The following SMCO2 variants were observed in gnomAD, a reference collection of about 807,000 sequenced individuals.
The protein encoded by SMCO2 is single-pass membrane and coiled-coil domain-containing protein 2.
In SMCO2, 25 loss-of-function variants were observed where a neutral mutation model predicts 29.5. The ratio of observed to expected loss-of-function variants is 0.85; its 90% confidence interval spans 0.62 to 1.18. The LOEUF (loss-of-function observed/expected upper bound fraction) is 1.18. Ranked by LOEUF, SMCO2 falls within the 50% of genes most tolerant of loss-of-function variation. The probability of loss-of-function intolerance (pLI) is 0.00; values close to 1 mark genes in which losing one functional copy is unlikely to be tolerated. For synonymous variants in SMCO2, 117 were observed against 123.3 expected (o/e 0.95, Z 0.34); for missense variants, 348 against 344.5 (o/e 1.01, Z -0.08).
At chr12:27,458,086 G>T in the SMCO2 span, among the ~76,000 whole-genome samples, 3 of 152,120 alleles carry the variant, frequency 2.0e-5, no homozygotes, top group African/African-American at 7.2e-5. Flanking sequence ...AATTGTATCC[G>T]CTTGTGCTTA....
At chr12:27,484,864 AAAAAAAAATATAT>A (rs1353167206) in intron 4 of SMCO2, among the ~76,000 whole-genome samples, 21 of 112,058 alleles carry the variant, frequency 1.9e-4, no homozygotes, top group Non-Finnish European at 3.1e-4. Flanking sequence ...AAAAAAAAAA[AAAAAAAAATATAT>A]ATATATATAT....
chr12:27,462,883 T>C (rs1374253580), upstream of SMCO2, among the ~76,000 whole-genome samples: 1 of 152,232 alleles, frequency 6.6e-6, no homozygotes, highest in Non-Finnish European at 1.5e-5. Flanking sequence ...CGGCGAAGCC[T>C]TTTGCTAACA....
At chr12:27,471,488 T>G (rs1592204290) in intron 2 of SMCO2, among the ~76,000 whole-genome samples, 1 of 152,166 alleles carries the variant, frequency 6.6e-6, no homozygotes, top group South Asian at 2.1e-4. Context: ...GACTTGGAAC[T>G]ACTTTTATAG....
the SMCO2 span, among the ~76,000 whole-genome samples, chr12:27,451,519 A>G: frequency 1.3e-5 from 2 of 152,070 alleles, no homozygotes; most frequent in Non-Finnish European, 2.9e-5. Flanking sequence ...CTGTTGATGC[A>G]TTAACATCCA....
upstream of SMCO2, among the ~76,000 whole-genome samples, chr12:27,464,730 A>AG (rs1949484351): frequency 6.7e-6 from 1 of 149,508 alleles, no homozygotes; most frequent in Admixed American, 6.6e-5. Context: ...AAAAAAAAAA[A>AG]AAAAAAAAAG....
At chr12:27,429,574 T>C in the SMCO2 span, among the ~76,000 whole-genome samples, 1 of 152,172 alleles carries the variant, frequency 6.6e-6, no homozygotes, top group African/African-American at 2.4e-5. Context: ...TTTATAGTTA[T>C]GTTTCTAAGT....
the SMCO2 span, among the ~76,000 whole-genome samples, chr12:27,450,920 C>T: frequency 6.6e-6 from 1 of 152,076 alleles, no homozygotes; most frequent in African/African-American, 2.4e-5. Flanking sequence ...AGTTGCTGCC[C>T]TAAATAATTT....
the SMCO2 span, among the ~76,000 whole-genome samples, chr12:27,445,088 C>T: frequency 1.3e-5 from 2 of 151,982 alleles, no homozygotes; most frequent in South Asian, 4.1e-4. Flanking sequence ...ATAAGCCAAG[C>T]ACAGAGAGAC....
chr12:27,464,024 T>G (rs1249771058), upstream of SMCO2, among the ~76,000 whole-genome samples: 1 of 152,126 alleles, frequency 6.6e-6, no homozygotes, highest in African/African-American at 2.4e-5. Flanking sequence ...GAGCTCCCAG[T>G]GGAATCCCAG....
the SMCO2 span, among the ~76,000 whole-genome samples, chr12:27,428,126 A>G: frequency 1.7e-3 from 253 of 152,034 alleles, 2 homozygotes; most frequent in African/African-American, 5.8e-3. Flanking sequence ...GATGTTATCC[A>G]CAGGAGCAAT....
the SMCO2 span, among the ~76,000 whole-genome samples, chr12:27,447,901 T>A: frequency 1.3e-5 from 2 of 152,048 alleles, no homozygotes; most frequent in Non-Finnish European, 2.9e-5. Flanking sequence ...CCCCAGAAAC[T>A]CAGCCGAGTG....
At chr12:27,489,076 T>C (rs1429853808) in intron 5 of SMCO2, among the ~76,000 whole-genome samples, 1 of 151,880 alleles carries the variant, frequency 6.6e-6, no homozygotes, top group Non-Finnish European at 1.5e-5. Context: ...TGAGACAGAG[T>C]CTCACTCTGT....
Position 27,468,234 on chromosome 12 carries a change from C to G in SMCO2, c.-11+1259C>G, listed in dbSNP as rs1949513834. On this transcript the variant is annotated intron_variant, in intron 1 of 7. Coordinates refer to ENST00000298876, the Ensembl canonical transcript of SMCO2. Reference sequence around the variant, plus strand: ...ACTGCATTCAACTGATGGATCGTAGCAAACACCCAACATCATAGAAGAAGG... The same window carrying G: ...ACTGCATTCAACTGATGGATCGTAGGAAACACCCAACATCATAGAAGAAGG... Among the ~76,000 whole-genome samples, 2 of 152,188 alleles carry G rather than the reference C, an allele frequency of 1.3e-5. 1 individual carries two copies. The highest frequency in any genetic ancestry group is 4.1e-4 in the South Asian group (2 of 4,834).
the SMCO2 span, among the ~76,000 whole-genome samples, chr12:27,437,747 C>T: frequency 2.6e-5 from 4 of 152,300 alleles, no homozygotes; most frequent in African/African-American, 9.6e-5. Context: ...CACCTGCATG[C>T]GCAGCTCCAG....
At chr12:27,464,311 C>T (rs76828519), upstream of SMCO2, among the ~76,000 whole-genome samples, 11,434 of 152,182 alleles carry the variant, frequency 0.075, 522 homozygotes, top group Middle Eastern at 0.14. Flanking sequence ...GCGAGGTCAC[C>T]GCCCACAGAG....
the SMCO2 span, among the ~76,000 whole-genome samples, chr12:27,437,946 A>G: frequency 3.3e-5 from 5 of 152,026 alleles, no homozygotes; most frequent in African/African-American, 4.8e-5. Flanking sequence ...AAACACAATC[A>G]TCCTTAGGCC....
the SMCO2 span, among the ~76,000 whole-genome samples, chr12:27,427,256 T>A: frequency 6.6e-6 from 1 of 152,344 alleles, no homozygotes; most frequent in Non-Finnish European, 1.5e-5. Flanking sequence ...CATGGAGGAC[T>A]TGTTAAAACA....
At chr12:27,432,359 GA>G in the SMCO2 span, among the ~76,000 whole-genome samples, 2 of 151,352 alleles carry the variant, frequency 1.3e-5, no homozygotes, top group Non-Finnish European at 2.9e-5. Flanking sequence ...ACTTATTTTG[GA>G]AAAAAAATAC....
intron 4 of SMCO2, among the ~76,000 whole-genome samples, chr12:27,476,794 A>T (rs1949590243): frequency 6.6e-6 from 1 of 152,074 alleles, no homozygotes; most frequent in South Asian, 2.1e-4. Context: ...TCATTTAAAA[A>T]ATCAATTCAA....
Sources: gnomAD v4.1 joint callset for allele counts (sites outside exome capture counted in the v4.1 genomes callset) on GRCh38, gnomAD v4.1.1 for gene constraint, MANE v1.5 for transcripts, NCBI Gene and HGNC (gene_info 2026-07-23, HGNC 2026-07-21) for gene names.